SEMA5A: variants seen among roughly 807,000 people sequenced by gnomAD.
SEMA5A encodes the protein semaphorin-5A.
SEMA5A carries 55 observed loss-of-function variants against 135.5 expected under a neutral mutation model. The observed-to-expected ratio is 0.41, with a 90% CI of 0.33 to 0.51. The LOEUF is 0.51. Among genes scored for constraint, SEMA5A ranks in the 20% least tolerant of loss-of-function variants. The pLI is 0.37. For missense variants in SEMA5A, 1,290 were observed against 1,419.9 expected (o/e 0.91, Z 1.47); for synonymous variants, 580 against 546.5 (o/e 1.06, Z -0.85).
At chr5:9,499,236 T>C (rs1735461030) in intron 1 of SEMA5A, among the ~76,000 whole-genome samples, 1 of 152,186 alleles carries the variant, frequency 6.6e-6, no homozygotes, top group South Asian at 2.1e-4. Flanking sequence ...TATGGAGCAC[T>C]TGAAAAACAA....
chr5:9,360,910 C>T (rs1236931480), intron 3 of SEMA5A, among the ~76,000 whole-genome samples: 1 of 152,114 alleles, frequency 6.6e-6, no homozygotes, highest in East Asian at 1.9e-4. Context: ...TCTTTAACAG[C>T]AAAGGATTAA....
intron 1 of SEMA5A, among the ~76,000 whole-genome samples, chr5:9,529,164 G>A (rs1006019734): frequency 6.6e-6 from 1 of 152,240 alleles, no homozygotes; most frequent in African/African-American, 2.4e-5. Flanking sequence ...CAAGGTCTGA[G>A]GAACTGCCAC....
intron 1 of SEMA5A, among the ~76,000 whole-genome samples, chr5:9,529,432 G>A (rs1328460452): frequency 6.6e-6 from 1 of 152,232 alleles, no homozygotes; most frequent in Non-Finnish European, 1.5e-5. Context: ...CCCACCAGCT[G>A]CACAGCTCCT....
chr5:9,424,377 A>G (rs751747657), intron 2 of SEMA5A, among the ~76,000 whole-genome samples: 1 of 152,222 alleles, frequency 6.6e-6, no homozygotes, highest in Non-Finnish European at 1.5e-5. Context: ...CTGAAGTATC[A>G]AAGCACTACT....
intron 1 of SEMA5A, among the ~76,000 whole-genome samples, chr5:9,478,404 T>C (rs1759752366): frequency 6.6e-6 from 1 of 152,156 alleles, no homozygotes; most frequent in Non-Finnish European, 1.5e-5. Context: ...CAATGACAGC[T>C]TGCACTGTGC....
intron 2 of SEMA5A, among the ~76,000 whole-genome samples, chr5:9,388,136 A>T (rs1414188414): frequency 6.6e-5 from 10 of 152,216 alleles, no homozygotes; most frequent in Admixed American, 6.5e-4. Context: ...AACTCAGAGG[A>T]GATGGAATTT....
intron 5 of SEMA5A, among the ~76,000 whole-genome samples, chr5:9,299,098 G>A (rs572961507): frequency 0.14 from 21,301 of 152,052 alleles, 1,582 homozygotes; most frequent in South Asian, 0.19. Context: ...ATTAAACATT[G>A]ATGGTGGGCA....
intron 5 of SEMA5A, among the ~76,000 whole-genome samples, chr5:9,277,280 A>C (rs1750311736): frequency 6.6e-6 from 1 of 152,238 alleles, no homozygotes; most frequent in African/African-American, 2.4e-5. Flanking sequence ...ATGTCATGCC[A>C]GTTAGAATGG....
chr5:9,533,357 G>A (rs912801886), intron 1 of SEMA5A, among the ~76,000 whole-genome samples: 4 of 152,136 alleles, frequency 2.6e-5, no homozygotes, highest in South Asian at 2.1e-4. Context: ...CGGAATTTTC[G>A]AGTTTGTCCA....
intron 1 of SEMA5A, among the ~76,000 whole-genome samples, chr5:9,468,801 T>G (rs1759363692): frequency 6.6e-6 from 1 of 152,186 alleles, no homozygotes; most frequent in Non-Finnish European, 1.5e-5. Flanking sequence ...TCATGAATAT[T>G]TCTATTAATT....
At chr5:9,406,944 T>A (rs1051461870) in intron 2 of SEMA5A, among the ~76,000 whole-genome samples, 1 of 152,228 alleles carries the variant, frequency 6.6e-6, no homozygotes, top group African/African-American at 2.4e-5. Flanking sequence ...CTGTATCAAA[T>A]TTCTCAGAGA....
chr5:9,124,094 G>T (rs1256976294), intron 13 of SEMA5A, among the ~76,000 whole-genome samples: 2 of 152,110 alleles, frequency 1.3e-5, no homozygotes, highest in African/African-American at 4.8e-5. Context: ...GTGAGCTGGT[G>T]GTTCAGGGGA....
intron 3 of SEMA5A, among the ~76,000 whole-genome samples, chr5:9,353,406 G>A (rs951344914): frequency 2.2e-5 from 3 of 138,792 alleles, no homozygotes; most frequent in African/African-American, 7.9e-5. Context: ...GGGAAAGAAA[G>A]GAAGGAAAGG....
intron 10 of SEMA5A, among the ~76,000 whole-genome samples, chr5:9,195,591 G>A (rs148381634): frequency 8.1e-4 from 124 of 152,198 alleles, no homozygotes; most frequent in Middle Eastern, 6.8e-3. Flanking sequence ...TTTGTTGATG[G>A]AAATATGCAA....
At chr5:9,228,553 T>C (rs1178458630) in intron 6 of SEMA5A, among the ~76,000 whole-genome samples, 1 of 152,222 alleles carries the variant, frequency 6.6e-6, no homozygotes, top group Non-Finnish European at 1.5e-5. Flanking sequence ...GAAGTATTGA[T>C]GAGCTCTCAT....
rs199964570 is a variant in SEMA5A, at chr5:9,122,827, A to G, written c.1610T>C (p.Leu537Pro). The G allele has an allele frequency of 4.4e-5, 71 of 1,599,330 alleles. No homozygotes were observed. The highest frequency in any genetic ancestry group is 8.5e-5 in the Admixed American group (5 of 58,926). Residue 537 changes from leucine to proline, a missense_variant, in exon 14 of 23, where the codon CTC becomes CCC. Physicochemically the swap from Leu to Pro is moderately conservative, Grantham distance 98 (BLOSUM62 -3). This residue lies in a region of SEMA5A where 1,029 missense variants were observed against 1,086.6 expected (regional missense o/e 0.95). Transcript: ENST00000382496. ...CACACCAAAGTGCCCATCCACGGTG[A>G]GATTCCTGGTCTAGGAAGCAAAACC... Reference protein sequence around the residue: ...QSISACPTRNLTVDGHFGVWS... With the variant: ...QSISACPTRNPTVDGHFGVWS...
chr5:9,527,278 C>T (rs1737186596), intron 1 of SEMA5A, among the ~76,000 whole-genome samples: 1 of 152,130 alleles, frequency 6.6e-6, no homozygotes, highest in Admixed American at 6.5e-5. Flanking sequence ...GGGAAAAAGC[C>T]AACCAGAAGC....
intron 21 of SEMA5A, among the ~76,000 whole-genome samples, chr5:9,050,068 A>C (rs569508350): frequency 6.6e-5 from 10 of 152,170 alleles, no homozygotes; most frequent in African/African-American, 2.4e-4. Context: ...TAGAACCCAT[A>C]AGAATCACCT....
At chr5:9,491,285 C>G (rs268472) in intron 1 of SEMA5A, among the ~76,000 whole-genome samples, 2 of 152,046 alleles carry the variant, frequency 1.3e-5, no homozygotes, top group East Asian at 1.9e-4. Flanking sequence ...TTTCGGGGCA[C>G]GAGACTGGTC....
Sources: gnomAD v4.1 joint callset for allele counts (sites outside exome capture counted in the v4.1 genomes callset) on GRCh38, gnomAD v4.1.1 for gene constraint, gnomAD v4.1.1 regional missense constraint, MANE v1.5 for transcripts, NCBI Gene and HGNC (gene_info 2026-07-23, HGNC 2026-07-21) for gene names.